Variants in CDC34 observed in about 807,000 individuals in gnomAD.
CDC34 encodes the protein cell division cycle 34, ubiquitin conjugating enzyme.
Under a neutral mutation model 26.8 loss-of-function variants are expected in CDC34, and 18 were observed. The observed-to-expected ratio is 0.67, with a 90% confidence interval of 0.47 to 1.00. The LOEUF (loss-of-function observed/expected upper bound fraction) is 1.00. Among genes scored for constraint, CDC34 ranks in the 50% least tolerant of loss-of-function variants. CDC34 has a pLI of 0.00. For missense variants in CDC34, 280 were observed against 334.5 expected (o/e 0.84, Z 1.27); for synonymous variants, 178 against 147.5 (o/e 1.21, Z -1.50).
chr19:539,129 G>A, intron 4 of CDC34: 2 of 599,110 alleles, frequency 3.3e-6, no homozygotes, highest in Non-Finnish European at 4.2e-6. Context: ...TGGCCTCGTG[G>A]CAGCCCAAGT....
intron 4 of CDC34, chr19:538,893 T>C: frequency 1.0e-6 from 1 of 985,246 alleles, no homozygotes; most frequent in East Asian, 1.1e-4. Flanking sequence ...GGTGCAGATG[T>C]CCTCGGTGGC....
chr19:533,956 G>A (rs1283879007), intron 1 of CDC34, among the ~76,000 whole-genome samples: 1 of 152,204 alleles, frequency 6.6e-6, no homozygotes, highest in African/African-American at 2.4e-5. Context: ...GAGCCAAAGT[G>A]AGCCCTGGGG....
At chr19:539,437 C>CA (rs914320956) in intron 4 of CDC34, among the ~76,000 whole-genome samples, 8 of 152,184 alleles carry the variant, frequency 5.3e-5, no homozygotes, top group African/African-American at 1.9e-4. Context: ...GTCAGTCACC[C>CA]CCCCAGCCCA....
At chr19:532,844 C>T (rs1379748813) in intron 1 of CDC34, among the ~76,000 whole-genome samples, 1 of 152,188 alleles carries the variant, frequency 6.6e-6, no homozygotes, top group Non-Finnish European at 1.5e-5. Flanking sequence ...TCTCTCCAGG[C>T]CTCCCGGCTC....
intron 4 of CDC34, among the ~76,000 whole-genome samples, chr19:539,710 T>G (rs1979924485): frequency 6.6e-6 from 1 of 152,188 alleles, no homozygotes; most frequent in Admixed American, 6.5e-5. Context: ...TGCCTGCGGC[T>G]GCAGCCTCGT....
At chr19:535,691 G>C (rs916403528) in intron 1 of CDC34, 146 bp from the exon 2 acceptor site, 28 of 715,550 alleles carry the variant, frequency 3.9e-5, no homozygotes, top group Admixed American at 4.0e-5. Flanking sequence ...AGGCCTGTGA[G>C]AGTCCCTGCC....
intron 4 of CDC34, among the ~76,000 whole-genome samples, chr19:539,393 G>T (rs1027011133): frequency 2.0e-5 from 3 of 151,030 alleles, no homozygotes; most frequent in African/African-American, 7.3e-5. Context: ...TCTCCCCACT[G>T]CTGCCACCCG....
At position 535,898 on chromosome 19, in the gene CDC34, A is replaced by G. The variant is rs1979715414; in HGVS notation, c.239A>G (p.Lys80Arg). 1 of 1,613,784 alleles carries G rather than the reference A, an allele frequency of 6.2e-7. No homozygotes were observed. The highest frequency in any genetic ancestry group is 8.5e-7 in the Non-Finnish European group (1 of 1,179,978). The change falls in exon 2 of 5, where the codon AAG becomes AGG. Residue 80 changes from lysine (K) to arginine (R), a missense_variant. Transcript: ENST00000215574. ...CCACCAGCCTTTCGGTTCCTGACCA[A>G]GATGTGGCACCCTAACATCTACGAG... is the stretch of plus-strand genomic sequence containing the variant. ...YSPPAFRFLT[K>R]MWHPNIYETG...
intron 4 of CDC34, among the ~76,000 whole-genome samples, chr19:540,212 C>T (rs1407449171): frequency 9.2e-4 from 1 of 1,082 alleles, no homozygotes; most frequent in African/African-American, 1.4e-3. Context: ...GTTTAGAATC[C>T]GGAGGCCGGG....
intron 3 of CDC34, 85 bp downstream of exon 3, chr19:536,425 C>A: frequency 9.4e-7 from 1 of 1,068,850 alleles, no homozygotes; most frequent in Non-Finnish European, 1.4e-6. Flanking sequence ...ATCAGGTAGG[C>A]CGGGCTCCCC....
At chr19:539,106 TC>T in intron 4 of CDC34, 1 of 781,858 alleles carries the variant, frequency 1.3e-6, no homozygotes, top group Non-Finnish European at 1.6e-6. Context: ...TGTTTTTTCA[TC>T]TGTGTGCGTG....
In CDC34 at chr19:541,593, C is replaced by T. The variant is rs892526789; in HGVS notation, c.*41C>T. 9.2e-6 allele frequency: 14 copies of T among 1,520,944 alleles called. No homozygotes were observed. In the East Asian group the frequency reaches 1.6e-4, roughly 17 times the overall value. The allele number at this position is 1,520,944 out of a possible 1,614,324, so 94.2% of individuals were successfully genotyped here. ...CTTGCCGAGTTTACCTCACTAGGGC[C>T]GGACCCGTGGCTCCTTAGACGACAG... On this transcript the variant is annotated 3_prime_UTR_variant, in exon 5 of 5. Transcript: ENST00000215574.
Position 532,003 on chromosome 19 carries a change from G to A in CDC34, c.72G>A (p.Pro24=), listed in dbSNP as rs775370287. 4 of 1,503,718 alleles carry A rather than the reference G, an allele frequency of 2.7e-6. No homozygotes were observed. Among genetic ancestry groups the A allele is most frequent in the Non-Finnish European group, 3.5e-6 (4 of 1,134,470 alleles). The allele number at this position is 1,503,718 out of a possible 1,614,324, so 93.1% of individuals were successfully genotyped here. A position where few individuals can be genotyped will look rare whatever the true frequency, so the allele number is the denominator to read the frequency against. Residue 24 remains proline, a synonymous_variant, in exon 1 of 5, where the codon CCG becomes CCA. Transcript: ENST00000215574. ...AGCTCAAGGGGCTGCAGGAAGAGCC[G>A]GTCGAGGGATTCCGCGTGACACTGG... The part of the protein sequence containing the change: ...LLELKGLQEE[P]VEGFRVTLVD...
At chr19:541,210 A>G in intron 4 of CDC34, 129 bp from the exon 5 acceptor site, 2 of 1,224,266 alleles carry the variant, frequency 1.6e-6, no homozygotes, top group African/African-American at 1.5e-5. Context: ...CTTTGTCCTA[A>G]GTGGTCGCCA....
chr19:537,719 G>A (rs568560296), intron 4 of CDC34, among the ~76,000 whole-genome samples: 8 of 143,238 alleles, frequency 5.6e-5, no homozygotes, highest in African/African-American at 1.3e-4. Flanking sequence ...GCAGTGGTGC[G>A]ATCTCGGCTC....
chr19:540,779 C>CGG (rs1979972450), intron 4 of CDC34, among the ~76,000 whole-genome samples: 6 of 77,704 alleles, frequency 7.7e-5, no homozygotes, highest in South Asian at 5.3e-4. Flanking sequence ...GTTTAGAATC[C>CGG]AGAGGCTGGG....
intron 1 of CDC34, among the ~76,000 whole-genome samples, chr19:533,965 G>A (rs1237208947): frequency 6.6e-6 from 1 of 152,226 alleles, no homozygotes; most frequent in Non-Finnish European, 1.5e-5. Context: ...TGAGCCCTGG[G>A]GCAGGGGCCG....
rs568942384 is a variant in CDC34 at position 536,208 on chromosome 19, T to C, written c.265-35T>C. 4 of 1,547,748 alleles carry C rather than the reference T, an allele frequency of 2.6e-6. No individual in the cohort carries two copies. The South Asian group carries it at 4.6e-5, about 18-fold the overall frequency. ...GGGGCACTGGGAGCCCGTGCTGACC[T>C]CTGACCTGTTCTGACCTGTCTTCTT... On this transcript the variant is annotated intron_variant, in intron 2 of 4. Transcript: ENST00000215574.
At chr19:535,687 G>T (rs756935173) in intron 1 of CDC34, 150 bp from the exon 2 acceptor site, 7 of 714,008 alleles carry the variant, frequency 9.8e-6, no homozygotes, top group East Asian at 4.9e-5. Flanking sequence ...CCCCAGGCCT[G>T]TGAGAGTCCC....
Sources: gnomAD v4.1 joint callset for allele counts (sites outside exome capture counted in the v4.1 genomes callset) on GRCh38, gnomAD v4.1.1 for gene constraint, MANE v1.5 for transcripts, NCBI Gene and HGNC (gene_info 2026-07-23, HGNC 2026-07-21) for gene names.